Variants in PBLD observed in about 807,000 individuals in gnomAD.
PBLD encodes phenazine biosynthesis-like domain-containing protein.
In PBLD, 26 loss-of-function variants were observed where a neutral mutation model predicts 31.3. The ratio of observed to expected loss-of-function variants is 0.83; its 90% CI spans 0.61 to 1.15. PBLD has a LOEUF of 1.15. PBLD is among the 50% of genes most tolerant of loss of function. The pLI, the probability that PBLD is intolerant of heterozygous loss-of-function variation, is 0.00. For synonymous variants in PBLD, 114 were observed against 129.0 expected, an observed-to-expected ratio of 0.88 and a Z score of 0.79; for missense variants, 307 against 351.7, an observed-to-expected ratio of 0.87 and a Z score of 1.02.
At chr10:68,297,702 T>G (rs1180177719) in intron 2 of PBLD, among the ~76,000 whole-genome samples, 1 of 152,214 alleles carries the variant, frequency 6.6e-6, no homozygotes, top group Non-Finnish European at 1.5e-5. Flanking sequence ...ATCTCATTTT[T>G]AAAACCCTCA....
intron 2 of PBLD, among the ~76,000 whole-genome samples, chr10:68,300,788 A>G (rs758003937): frequency 4.6e-5 from 7 of 152,222 alleles, no homozygotes; most frequent in Non-Finnish European, 8.8e-5. Context: ...CTTGTGGTGA[A>G]CCTAGAAAAG....
chr10:68,323,557 C>T (rs991455433), intron 1 of PBLD, among the ~76,000 whole-genome samples: 2 of 151,970 alleles, frequency 1.3e-5, no homozygotes, highest in African/African-American at 4.8e-5. Flanking sequence ...GAGATTCCAT[C>T]TCAAAAAAGA....
chr10:68,326,941 G>A (rs1205098035), intron 1 of PBLD, among the ~76,000 whole-genome samples: 3 of 152,144 alleles, frequency 2.0e-5, no homozygotes, highest in East Asian at 3.9e-4. Context: ...CAGCTACTCG[G>A]GAGGCTGAGG....
chr10:68,319,108 A>AAAGAAAGG (rs1554860635), intron 1 of PBLD, among the ~76,000 whole-genome samples: 16 of 132,314 alleles, frequency 1.2e-4, no homozygotes, highest in South Asian at 2.6e-4. Flanking sequence ...AGAAAGAAAG[A>AAAGAAAGG]AAGGAAAAAG....
At chr10:68,308,082 A>C (rs2044607982) in intron 1 of PBLD, among the ~76,000 whole-genome samples, 1 of 152,116 alleles carries the variant, frequency 6.6e-6, no homozygotes, top group South Asian at 2.1e-4. Flanking sequence ...CCCCCTGAGG[A>C]CACCATACTC....
chr10:68,330,702 C>G (rs1238871509), intron 1 of PBLD, among the ~76,000 whole-genome samples: 3 of 145,764 alleles, frequency 2.1e-5, no homozygotes, highest in African/African-American at 7.7e-5. Context: ...CCCGCCACCA[C>G]GCCCGGCGTG....
At position 68,306,786 on chromosome 10, in the gene PBLD, G is replaced by C. The variant is rs2044586129; in HGVS notation, c.59C>G (p.Pro20Arg). The change falls in exon 2 of 10, where the codon CCT (proline) becomes CGT (arginine). Residue 20 changes from proline (P) to arginine (R), a missense_variant. Coordinates refer to ENST00000358769, the MANE Select transcript of PBLD (RefSeq NM_022129.4). ...AFTARAFRGN[P>R]AAVCLLENEL... ...ATTTTCTAGGAGGCAAACAGCAGCA[G>C]GATTCCCACGAAATGCTCTTGCTGT... is the stretch of plus-strand genomic sequence containing the variant. The C allele has an allele frequency of 1.1e-5, 17 of 1,612,044 alleles. No homozygotes were observed. In the East Asian group the frequency reaches 3.8e-4, roughly 36 times the overall value.
In PBLD at chr10:68,285,329, TG is replaced by T; in HGVS notation, c.754+18del. On this transcript the variant is annotated intron_variant, in intron 9 of 9. Coordinates refer to ENST00000358769, the MANE Select transcript of PBLD (RefSeq NM_022129.4). ...CGAATTAGGCAAATAAAAAAGAAAT[TG>T]GTAAAGAGCTGTCCTACCATGCATT... 1 of 1,613,864 alleles carries T rather than the reference TG, an allele frequency of 6.2e-7. No individual in the cohort carries two copies.
intron 2 of PBLD, among the ~76,000 whole-genome samples, chr10:68,304,730 A>T (rs567275407): frequency 1.3e-5 from 2 of 152,272 alleles, no homozygotes; most frequent in East Asian, 3.9e-4. Context: ...TACTGTCAAA[A>T]CTCTTCAAGG....
At chr10:68,290,846 G>A (rs2044350252) in intron 6 of PBLD, among the ~76,000 whole-genome samples, 1 of 152,176 alleles carries the variant, frequency 6.6e-6, no homozygotes, top group Non-Finnish European at 1.5e-5. Flanking sequence ...ACTAAGTTGA[G>A]TTCTTTCTAC....
intron 3 of PBLD, 140 bp downstream of exon 3, chr10:68,296,746 A>G: frequency 2.8e-6 from 2 of 717,998 alleles, no homozygotes; most frequent in Non-Finnish European, 4.7e-6. Context: ...GCTCACACCT[A>G]TAATGCCAGC....
intron 2 of PBLD, among the ~76,000 whole-genome samples, chr10:68,303,986 A>G (rs2044543324): frequency 6.6e-6 from 1 of 152,156 alleles, no homozygotes; most frequent in South Asian, 2.1e-4. Context: ...TCTGCACTAG[A>G]CTCTGAGCCC....
intron 1 of PBLD, among the ~76,000 whole-genome samples, chr10:68,328,431 C>G (rs1032012001): frequency 3.3e-5 from 5 of 152,118 alleles, no homozygotes; most frequent in African/African-American, 9.7e-5. Flanking sequence ...TTTTCCTCTC[C>G]TCTTCATCCT....
intron 2 of PBLD, among the ~76,000 whole-genome samples, chr10:68,297,535 T>A (rs774710781): frequency 6.6e-6 from 1 of 152,204 alleles, no homozygotes; most frequent in Non-Finnish European, 1.5e-5. Context: ...GTGTGCCCTT[T>A]ACTGTCTGGC....
In PBLD at chr10:68,320,011, A is replaced by C. The variant is rs183566414; in HGVS notation, c.-60+12773T>G. On this transcript the variant is annotated intron_variant, in intron 1 of 9. Coordinates refer to ENST00000358769, the MANE Select transcript of PBLD (RefSeq NM_022129.4). ...GCTAATTTTGTATTTTTAGTAGAGA[A>C]GAGGTTTCTCCATGTTGGTCAGGCT... 5.2e-4 allele frequency among the ~76,000 whole-genome samples: 79 copies of C among 151,930 alleles called. No individual in the cohort carries two copies. The East Asian group carries it at 0.014, about 28-fold the overall frequency.
chr10:68,315,079 C>T (rs191376428), intron 1 of PBLD, among the ~76,000 whole-genome samples: 286 of 152,216 alleles, frequency 1.9e-3, no homozygotes, highest in African/African-American at 5.2e-3. Context: ...TGTGAGCCAC[C>T]GTGCCCGGCT....
chr10:68,290,833 G>A (rs2044350131), intron 6 of PBLD, among the ~76,000 whole-genome samples: 1 of 152,192 alleles, frequency 6.6e-6, no homozygotes, highest in Non-Finnish European at 1.5e-5. Flanking sequence ...TGCTGACCCT[G>A]AGACTAAGTT....
rs1484452527 is a variant in PBLD at position 68,306,856 on chromosome 10, G to A, written c.-12C>T. 2 of 1,600,744 alleles carry A rather than the reference G, an allele frequency of 1.2e-6. No individual in the cohort carries two copies. The highest frequency in any genetic ancestry group is 1.7e-6 in the Non-Finnish European group (2 of 1,170,312). ...ATAGGAAGCTTCATTTTCCTTGCAA[G>A]CTGTTTTTGCAAGTTCTCAAAATTG... On this transcript the variant is annotated 5_prime_UTR_variant, in exon 2 of 10. Coordinates refer to ENST00000358769, the MANE Select transcript of PBLD (RefSeq NM_022129.4).
In PBLD at chr10:68,284,280, C is replaced by G. The variant is rs777176794; in HGVS notation, c.764G>C (p.Cys255Ser). ...LGKKEMHAFQ[C>S]SHRGGELGIS... is the part of the protein sequence containing the mutation. ...TCCCAGCTCTCCTCCTCGGTGGGAA[C>G]ACTGAAAAGCTAAAGAAAACAAACA... The change falls in exon 10 of 10, where the codon TGT becomes TCT. Residue 255 changes from cysteine to serine, a missense_variant. Transcript: ENST00000358769. 1 of 1,612,872 alleles carries G rather than the reference C, an allele frequency of 6.2e-7. No homozygotes were observed. Among genetic ancestry groups the G allele is most frequent in the Non-Finnish European group, 8.5e-7 (1 of 1,179,076 alleles).
Sources: allele counts gnomAD v4.1 joint callset (sites outside exome capture counted in the v4.1 genomes callset), GRCh38; gene constraint gnomAD v4.1.1; transcripts MANE v1.5; gene names NCBI Gene and HGNC (gene_info 2026-07-23, HGNC 2026-07-21).